CACNA1I: variants seen among roughly 807,000 people sequenced by gnomAD.
CACNA1I encodes voltage-dependent T-type calcium channel subunit alpha-1I.
Under a neutral mutation model 201.6 loss-of-function variants are expected in CACNA1I, and 74 were observed. That is an observed-to-expected ratio of 0.37 (90% CI 0.30 to 0.45). CACNA1I has a LOEUF of 0.45. Among genes scored for constraint, CACNA1I ranks in the 20% least tolerant of loss-of-function variants. The pLI is 1.00. For synonymous variants in CACNA1I, 1,431 were observed against 1,345.2 expected (o/e 1.06, Z -1.40); for missense variants, 2,346 against 3,138.1 (o/e 0.75, Z 6.03).
At chr22:39,638,569 AT>A (rs1934277353) in intron 5 of CACNA1I, among the ~76,000 whole-genome samples, 1 of 151,982 alleles carries the variant, frequency 6.6e-6, no homozygotes, top group Admixed American at 6.6e-5. Flanking sequence ...TTTTGTTTGC[AT>A]TTGGTTATTT....
Position 39,684,482 on chromosome 22 carries a change from G to A in CACNA1I, c.6011G>A (p.Cys2004Tyr). Reference protein sequence around the residue: ...WASLRSPRVNCTLLRQATGSD... With the variant: ...WASLRSPRVNYTLLRQATGSD... Reference sequence around the variant, plus strand: ...TCTCTGCGGTCACCAAGGGTCAACTGTACCCTCCTCCGGCAGGTACCGACA... The same window carrying A: ...TCTCTGCGGTCACCAAGGGTCAACTATACCCTCCTCCGGCAGGTACCGACA... Residue 2004 changes from cysteine (C) to tyrosine (Y), a missense_variant, in exon 36 of 37, where the codon TGT becomes TAT. Transcript: ENST00000402142. The surrounding 1 kb of genome is among the most constrained non-coding windows in gnomAD (Gnocchi z 4.6). 2 of 1,613,082 alleles carry A rather than the reference G, an allele frequency of 1.2e-6. No individual in the cohort carries two copies. Among genetic ancestry groups the A allele is most frequent in the Non-Finnish European group, 8.5e-7 (1 of 1,179,802 alleles).
In CACNA1I at chr22:39,658,198, C is replaced by T; in HGVS notation, c.2039C>T (p.Thr680Ile). ...CTGGAGATCTGCAATGTGGTCTTCA[C>T]CAGCATGTTTGCCCTGGAGATGATC... The part of the protein sequence containing the change: ...NILEICNVVF[T>I]SMFALEMILK... The change falls in exon 11 of 37, where the codon ACC (threonine) becomes ATC (isoleucine). Residue 680 changes from threonine to isoleucine, a missense_variant. Coordinates refer to ENST00000402142, the MANE Select transcript of CACNA1I (RefSeq NM_021096.4). The T allele has an allele frequency of 6.2e-7, 1 of 1,614,014 alleles. No homozygotes were observed. The highest frequency in any genetic ancestry group is 1.3e-5 in the African/African-American group (1 of 75,060).
Position 39,662,844 on chromosome 22 carries a change from C to A in CACNA1I, c.3441C>A (p.Asp1147Glu). The change falls in exon 18 of 37, where the codon GAC becomes GAA. Residue 1147 changes from aspartate to glutamate, a missense_variant. Transcript: ENST00000402142. ...CCGACTGGTGCGAGGTCCGCGAAGA[C>A]TGGTCTGTCTACCTCTTCTCTCCCG... ...YKPDWCEVRE[D>E]WSVYLFSPEN... The A allele has an allele frequency of 6.2e-7, 1 of 1,600,534 alleles. No individual in the cohort carries two copies. The highest frequency in any genetic ancestry group is 8.5e-7 in the Non-Finnish European group (1 of 1,173,934).
intron 10 of CACNA1I, among the ~76,000 whole-genome samples, chr22:39,654,004 C>T (rs1934739270): frequency 6.6e-6 from 1 of 152,198 alleles, no homozygotes; most frequent in Non-Finnish European, 1.5e-5. Flanking sequence ...CTGGGGTGGC[C>T]AGGCTTCTCC....
chr22:39,670,038 C>T lies in CACNA1I; in HGVS notation c.4195C>T (p.Pro1399Ser). ...TCAGCCCTTTCTGACTCCCCTGCAG[C>T]CTGTGACCAACCACAACCCCTGGAT... ...GLDAVAVDQQ[P>S]VTNHNPWMLL... Residue 1399 changes from proline (P) to serine (S), a missense_variant and splice_region_variant, in exon 25 of 37, where the codon CCT (proline) becomes TCT (serine). This residue lies in a region of CACNA1I where 228 missense variants were observed against 395.7 expected (regional missense o/e 0.58). Coordinates refer to ENST00000402142, the MANE Select transcript of CACNA1I (RefSeq NM_021096.4). The T allele has an allele frequency of 6.2e-7, 1 of 1,612,198 alleles. No individual in the cohort carries two copies. Among genetic ancestry groups the T allele is most frequent in the Non-Finnish European group, 8.5e-7 (1 of 1,179,854 alleles).
intron 10 of CACNA1I, among the ~76,000 whole-genome samples, chr22:39,656,986 C>G (rs1474401285): frequency 2.6e-5 from 4 of 152,146 alleles, no homozygotes; most frequent in Non-Finnish European, 5.9e-5. Flanking sequence ...GGGGCTGGGC[C>G]TCGTAGGAGC....
Position 39,649,643 on chromosome 22 carries a change from C to T in CACNA1I, c.1710C>T (p.Thr570=), listed in dbSNP as rs772868211. ...DGRRPSGLGS[T]DSGQEGSGSG... ...GGCGGCCCTCGGGCCTGGGCAGCAC[C>T]GACTCGGGCCAGGAGGGCTCGGGCT... is the stretch of plus-strand genomic sequence containing the variant. The change falls in exon 10 of 37, where the codon ACC becomes ACT. Residue 570 remains threonine (T), a synonymous_variant. Coordinates refer to ENST00000402142, the MANE Select transcript of CACNA1I (RefSeq NM_021096.4). This position sits in a 1 kb window ranked among gnomAD's most constrained non-coding sequence, Gnocchi z 7.3. 38 of 1,524,258 alleles carry T rather than the reference C, an allele frequency of 2.5e-5. No homozygotes were observed. Among genetic ancestry groups the T allele is most frequent in the Middle Eastern group, 2.0e-4 (1 of 4,898 alleles). The allele number at this position is 1,524,258 out of a possible 1,614,324, so 94.4% of individuals were successfully genotyped here. A position where few individuals can be genotyped will look rare whatever the true frequency, so the allele number is the denominator to read the frequency against.
At chr22:39,573,633 C>A (rs1487644085) in intron 1 of CACNA1I, among the ~76,000 whole-genome samples, 1 of 152,160 alleles carries the variant, frequency 6.6e-6, no homozygotes, top group Non-Finnish European at 1.5e-5. Flanking sequence ...TCTCAGGCAC[C>A]CTGACGCCTG....
rs1397448656 is a variant in CACNA1I at position 39,685,192 on chromosome 22, G to C, written c.6028-569G>C. The C allele has an allele frequency of 6.4e-6, 1 of 156,960 alleles. No individual in the cohort carries two copies. Among genetic ancestry groups the C allele is most frequent in the Non-Finnish European group, 1.4e-5 (1 of 71,500 alleles). 9.7% of individuals were successfully genotyped at this position (156,960 alleles called of 1,614,324 possible). On this transcript the variant is annotated intron_variant, in intron 36 of 36. Coordinates refer to ENST00000402142, the MANE Select transcript of CACNA1I (RefSeq NM_021096.4). This position sits in a 1 kb window ranked among gnomAD's most constrained non-coding sequence, Gnocchi z 5.0. Reference sequence around the variant, plus strand: ...GAGAGTGAGCTGCCTGGGTGCAGGAGGGATGATAACCAAAATAAATGTCTG... The same window carrying C: ...GAGAGTGAGCTGCCTGGGTGCAGGACGGATGATAACCAAAATAAATGTCTG...
At position 39,624,003 on chromosome 22, in the gene CACNA1I, C is replaced by T. The variant is rs184710975; in HGVS notation, c.580+4596C>T. On this transcript the variant is annotated intron_variant, in intron 4 of 36. Coordinates refer to ENST00000402142, the MANE Select transcript of CACNA1I (RefSeq NM_021096.4). ...GGGTGTGTGTGCGCCTCTGAACGTGCGTGTGTCCATGAAGGGGTGTGCCTG... is the reference window on the plus strand; with the variant it reads ...GGGTGTGTGTGCGCCTCTGAACGTGTGTGTGTCCATGAAGGGGTGTGCCTG... 2.8e-4 allele frequency among the ~76,000 whole-genome samples: 33 copies of T among 119,196 alleles called. No homozygotes were observed. The East Asian group carries it at 7.3e-3, about 26-fold the overall frequency. The allele number at this position is 119,196 out of a possible 152,430, so 78.2% of individuals were successfully genotyped here.
chr22:39,592,242 G>A (rs1932830820), intron 1 of CACNA1I, among the ~76,000 whole-genome samples: 2 of 152,212 alleles, frequency 1.3e-5, no homozygotes, highest in South Asian at 2.1e-4. Flanking sequence ...GTTCCTCAAA[G>A]GCGCTCAGGG....
intron 24 of CACNA1I, 106 bp downstream of exon 24, chr22:39,668,487 C>T: frequency 1.4e-6 from 1 of 697,732 alleles, no homozygotes. Flanking sequence ...TTCCACAGCC[C>T]CAGTGTCTCC....
chr22:39,603,986 C>G (rs529967809), intron 3 of CACNA1I, among the ~76,000 whole-genome samples: 40 of 152,270 alleles, frequency 2.6e-4, no homozygotes, highest in Middle Eastern at 3.4e-3. Flanking sequence ...AATTGTGAAG[C>G]AAACAAAGGT....
intron 3 of CACNA1I, among the ~76,000 whole-genome samples, chr22:39,618,251 C>CTG (rs61378962): frequency 1.7e-5 from 2 of 118,834 alleles, no homozygotes; most frequent in South Asian, 2.7e-4. Context: ...GGTTGTGTGC[C>CTG]TGTGTGTGTG....
At chr22:39,617,852 G>T in intron 3 of CACNA1I, among the ~76,000 whole-genome samples, 1 of 125,536 alleles carries the variant, frequency 8.0e-6, no homozygotes, top group African/African-American at 3.0e-5. Flanking sequence ...CTCCCTCCCT[G>T]CTCTCTGCCA....
In CACNA1I at chr22:39,663,702, C is replaced by A; in HGVS notation, c.3474-16C>A. Reference sequence around the variant, plus strand: ...AGGCAGCTGACGCTCAGGCAGCCCCCGCCCACCCTGCCCAGGTTCCGGGTC... The same window carrying A: ...AGGCAGCTGACGCTCAGGCAGCCCCAGCCCACCCTGCCCAGGTTCCGGGTC... On this transcript the variant is annotated splice_polypyrimidine_tract_variant and intron_variant, in intron 18 of 36. Coordinates refer to ENST00000402142, the MANE Select transcript of CACNA1I (RefSeq NM_021096.4). 1 of 1,610,478 alleles carries A rather than the reference C, an allele frequency of 6.2e-7. No homozygotes were observed. Among genetic ancestry groups the A allele is most frequent in the South Asian group, 1.1e-5 (1 of 90,950 alleles).
intron 3 of CACNA1I, among the ~76,000 whole-genome samples, chr22:39,605,251 G>C (rs1933185960): frequency 1.3e-5 from 2 of 152,164 alleles, no homozygotes; most frequent in South Asian, 4.1e-4. Flanking sequence ...CGAGTTAGAA[G>C]GTTCCTTAGA....
At position 39,641,031 on chromosome 22, in the gene CACNA1I, A is replaced by G. The variant is rs59635914; in HGVS notation, c.905A>G (p.Asp302Gly). The part of the protein sequence containing the change: ...ECCLSKDDVY[D>G]FGAGRQDLNA... ...TGCCTGTCCAAGGACGACGTCTACG[A>G]CTTTGGGGCGGGGCGCCAGGACCTC... is the stretch of plus-strand genomic sequence containing the variant. The change falls in exon 6 of 37, where the codon GAC (aspartate) becomes GGC (glycine). Residue 302 changes from aspartate (D) to glycine (G), a missense_variant. Physicochemically the swap from Asp to Gly is moderately conservative, Grantham distance 94. Transcript: ENST00000402142. 1.2e-3 allele frequency: 1,947 copies of G among 1,614,020 alleles called. 6 individuals are homozygous for G. Among genetic ancestry groups the G allele is most frequent in the Middle Eastern group, 3.3e-3 (20 of 6,062 alleles).
chr22:39,620,143 C>T (rs896887047), intron 4 of CACNA1I, among the ~76,000 whole-genome samples: 8 of 118,910 alleles, frequency 6.7e-5, no homozygotes, highest in Non-Finnish European at 1.2e-4. Context: ...ATCCATCCAC[C>T]CACCCATCCA....
Sources: gnomAD v4.1 joint callset for allele counts (sites outside exome capture counted in the v4.1 genomes callset) on GRCh38, gnomAD v4.1.1 for gene constraint, gnomAD v4.1.1 regional missense constraint, Gnocchi (gnomAD v3.1) non-coding constraint, MANE v1.5 for transcripts, NCBI Gene and HGNC (gene_info 2026-07-23, HGNC 2026-07-21) for gene names.